Variants in CDYL2 observed in about 807,000 individuals in gnomAD.
CDYL2 encodes chromodomain Y-like protein 2.
CDYL2 carries 23 observed loss-of-function variants against 49.4 expected under a neutral mutation model. That is an observed-to-expected ratio of 0.47 (90% CI 0.34 to 0.66). The LOEUF (loss-of-function observed/expected upper bound fraction) is 0.66. Ranked by LOEUF, CDYL2 falls within the 30% of genes least tolerant of loss-of-function variation. The pLI is 0.01. For missense variants in CDYL2, 678 were observed against 656.4 expected, an observed-to-expected ratio of 1.03 and a Z score of -0.36; for synonymous variants, 360 against 268.8, an observed-to-expected ratio of 1.34 and a Z score of -3.32.
At chr16:80,730,109 A>G (rs1905277597) in intron 1 of CDYL2, among the ~76,000 whole-genome samples, 1 of 152,238 alleles carries the variant, frequency 6.6e-6, no homozygotes, top group African/African-American at 2.4e-5. Flanking sequence ...ATCAGAGCAG[A>G]ACTGAAGGAA....
intron 4 of CDYL2, among the ~76,000 whole-genome samples, chr16:80,617,576 C>A (rs1467692756): frequency 6.6e-6 from 1 of 152,192 alleles, no homozygotes; most frequent in Non-Finnish European, 1.5e-5. Flanking sequence ...CAGAGTGTGG[C>A]CTCCAAGGCA....
intron 3 of CDYL2, among the ~76,000 whole-genome samples, chr16:80,628,843 AG>A (rs200569116): frequency 7.2e-5 from 11 of 151,940 alleles, no homozygotes; most frequent in East Asian, 1.9e-4. Context: ...CTAATGGAGG[AG>A]GGGGGGGATA....
intron 1 of CDYL2, among the ~76,000 whole-genome samples, chr16:80,706,835 G>A (rs985848687): frequency 1.5e-4 from 23 of 152,314 alleles, no homozygotes; most frequent in Middle Eastern, 3.4e-3. Flanking sequence ...CAGAAGATAG[G>A]CCGGTCTCAT....
chr16:80,615,718 G>A (rs770904578), intron 4 of CDYL2, among the ~76,000 whole-genome samples: 5 of 152,202 alleles, frequency 3.3e-5, no homozygotes, highest in Non-Finnish European at 5.9e-5. Context: ...TCCATGAAAC[G>A]GAATCAGGGA....
At chr16:80,646,909 G>C (rs1367191363) in intron 2 of CDYL2, among the ~76,000 whole-genome samples, 1 of 150,660 alleles carries the variant, frequency 6.6e-6, no homozygotes, top group East Asian at 1.9e-4. Flanking sequence ...AAAAAGGATG[G>C]AAAAAGATAT....
intron 5 of CDYL2, among the ~76,000 whole-genome samples, chr16:80,608,947 T>G (rs1906467135): frequency 6.6e-6 from 1 of 152,152 alleles, no homozygotes; most frequent in Admixed American, 6.5e-5. Flanking sequence ...GTTAAAGCAC[T>G]TCCATCACTG....
At chr16:80,780,733 C>G (rs529247786) in intron 1 of CDYL2, among the ~76,000 whole-genome samples, 2 of 152,186 alleles carry the variant, frequency 1.3e-5, no homozygotes, top group South Asian at 4.1e-4. Context: ...AAGCATTTGA[C>G]AAAATTGTCC....
intron 2 of CDYL2, among the ~76,000 whole-genome samples, chr16:80,676,307 G>C (rs1597165927): frequency 6.6e-6 from 1 of 152,320 alleles, no homozygotes; most frequent in East Asian, 1.9e-4. Flanking sequence ...TTTAAAAATT[G>C]AAAAGGTTAG....
chr16:80,721,263 C>G (rs760932257), intron 1 of CDYL2, among the ~76,000 whole-genome samples: 17 of 152,182 alleles, frequency 1.1e-4, no homozygotes, highest in Non-Finnish European at 2.2e-4. Flanking sequence ...ATTTAATCCT[C>G]CCAACAGTCC....
intron 4 of CDYL2, 94 bp downstream of exon 4, chr16:80,620,669 G>T (rs1907038626): frequency 5.9e-6 from 7 of 1,195,358 alleles, no homozygotes; most frequent in Non-Finnish European, 7.9e-6. Context: ...AAAATTCCTG[G>T]TTGTTTGAAA....
intron 5 of CDYL2, 25 bp from the exon 6 acceptor site, chr16:80,608,260 A>C: frequency 6.5e-7 from 1 of 1,542,470 alleles, no homozygotes; most frequent in Non-Finnish European, 8.8e-7. Context: ...GCAGGCAAAG[A>C]CTGAGGGCCT....
intron 2 of CDYL2, among the ~76,000 whole-genome samples, chr16:80,640,585 C>T (rs1332527090): frequency 6.6e-6 from 1 of 152,104 alleles, no homozygotes; most frequent in South Asian, 2.1e-4. Context: ...TCCAGGAAAA[C>T]ATGACCTCAC....
intron 1 of CDYL2, among the ~76,000 whole-genome samples, chr16:80,702,746 T>C (rs1376524468): frequency 6.6e-6 from 1 of 152,154 alleles, no homozygotes; most frequent in South Asian, 2.1e-4. Context: ...TAAGACCCTG[T>C]GGACAGGTAA....
At chr16:80,745,466 G>C (rs1905895489) in intron 1 of CDYL2, among the ~76,000 whole-genome samples, 1 of 152,262 alleles carries the variant, frequency 6.6e-6, no homozygotes, top group South Asian at 2.1e-4. Context: ...TAGCTGTGTG[G>C]CCTTGAGAAA....
chr16:80,716,627 G>A lies in CDYL2; in HGVS notation c.25-31498C>T, dbSNP rs1413004574. Among the ~76,000 whole-genome samples, 5 of 152,032 alleles carry A rather than the reference G, an allele frequency of 3.3e-5. No individual in the cohort carries two copies. In the East Asian group the frequency reaches 7.7e-4, roughly 23 times the overall value. ...ATAGATGATGAATGGCTAGATGGGT[G>A]GATGGATGGATGGATGATACATGGA... On this transcript the variant is annotated intron_variant, in intron 1 of 6. Coordinates refer to ENST00000570137, the MANE Select transcript of CDYL2 (RefSeq NM_152342.4).
chr16:80,676,918 C>T (rs1438509714), intron 2 of CDYL2, among the ~76,000 whole-genome samples: 2 of 151,194 alleles, frequency 1.3e-5, no homozygotes, highest in Non-Finnish European at 2.9e-5. Flanking sequence ...TTGTGTTCCT[C>T]CTTTCTTACT....
intron 1 of CDYL2, among the ~76,000 whole-genome samples, chr16:80,714,088 A>G (rs1247927220): frequency 6.6e-6 from 1 of 152,304 alleles, no homozygotes; most frequent in Admixed American, 6.5e-5. Context: ...AAAATTTTTT[A>G]ACACTACTAA....
intron 2 of CDYL2, among the ~76,000 whole-genome samples, chr16:80,674,536 G>C (rs541998653): frequency 1.4e-4 from 21 of 152,228 alleles, no homozygotes; most frequent in African/African-American, 5.1e-4. Flanking sequence ...GCAGAGTTGT[G>C]CAACTGTCCC....
rs918477749 is a variant in CDYL2 at position 80,776,670 on chromosome 16, T to C, written c.24+27480A>G. ...ACATTTGTATATTCTTATAATGATA[T>C]TAACATGGATAAATCTTAAAAGCAT... On this transcript the variant is annotated intron_variant, in intron 1 of 6. Transcript: ENST00000570137. 9.3e-5 allele frequency among the ~76,000 whole-genome samples: 14 copies of C among 151,274 alleles called. 1 individual carries two copies. The highest frequency in any genetic ancestry group is 1.3e-4 in the Non-Finnish European group (9 of 67,838).
Sources: gnomAD v4.1 joint callset for allele counts (sites outside exome capture counted in the v4.1 genomes callset) on GRCh38, gnomAD v4.1.1 for gene constraint, MANE v1.5 for transcripts, NCBI Gene and HGNC (gene_info 2026-07-23, HGNC 2026-07-21) for gene names.